Variants in SPAG16 observed in about 807,000 individuals in gnomAD.
SPAG16 encodes the protein sperm-associated antigen 16 protein.
Under a neutral mutation model 80.4 loss-of-function variants are expected in SPAG16, and 86 were observed. That is an observed-to-expected ratio of 1.07 (90% CI 0.90 to 1.28). The LOEUF (loss-of-function observed/expected upper bound fraction) is 1.28, where lower values mean the gene tolerates loss of function less well. Among genes scored for constraint, SPAG16 ranks in the 50% most tolerant of loss-of-function variants. The pLI is 0.00. For missense variants in SPAG16, 870 were observed against 765.3 expected (o/e 1.14, Z -1.61); for synonymous variants, 294 against 265.9 (o/e 1.11, Z -1.03).
At chr2:213,726,079 G>T (rs2066758136) in intron 10 of SPAG16, among the ~76,000 whole-genome samples, 1 of 152,212 alleles carries the variant, frequency 6.6e-6, no homozygotes, top group East Asian at 1.9e-4. Flanking sequence ...ATACCCAACT[G>T]CCAATATAAT....
intron 9 of SPAG16, among the ~76,000 whole-genome samples, chr2:213,403,295 T>C (rs1333020116): frequency 6.6e-6 from 1 of 152,178 alleles, no homozygotes; most frequent in Admixed American, 6.5e-5. Flanking sequence ...TCTTGTAAAT[T>C]TGTTTGAGTT....
At chr2:213,500,416 G>T (rs1257918950) in intron 10 of SPAG16, among the ~76,000 whole-genome samples, 1 of 152,102 alleles carries the variant, frequency 6.6e-6, no homozygotes, top group Non-Finnish European at 1.5e-5. Context: ...AATATAATTG[G>T]GTCATATCGC....
chr2:213,793,102 A>T (rs1462418919), intron 10 of SPAG16, among the ~76,000 whole-genome samples: 1 of 151,760 alleles, frequency 6.6e-6, no homozygotes, highest in Non-Finnish European at 1.5e-5. Context: ...AATTTTTGTT[A>T]TTTTTAGTAC....
At chr2:214,087,327 G>A (rs2051837292) in intron 13 of SPAG16, among the ~76,000 whole-genome samples, 2 of 152,022 alleles carry the variant, frequency 1.3e-5, no homozygotes, top group Admixed American at 1.3e-4. Flanking sequence ...AAAAGTGATG[G>A]ATACCATTCA....
chr2:213,870,589 G>T (rs958373177), intron 11 of SPAG16, among the ~76,000 whole-genome samples: 2 of 152,130 alleles, frequency 1.3e-5, no homozygotes, highest in Non-Finnish European at 2.9e-5. Flanking sequence ...CACCTCAGTT[G>T]CTCATTTGAA....
chr2:213,920,911 C>T (rs1268218632), intron 11 of SPAG16, among the ~76,000 whole-genome samples: 1 of 152,260 alleles, frequency 6.6e-6, no homozygotes, highest in Non-Finnish European at 1.5e-5. Context: ...TTTGTTCCAA[C>T]TCAAGTATCC....
intron 10 of SPAG16, among the ~76,000 whole-genome samples, chr2:213,803,835 T>C (rs1282322513): frequency 1.3e-5 from 2 of 152,196 alleles, no homozygotes; most frequent in East Asian, 1.9e-4. Context: ...ACTCCTGGGC[T>C]CCAGGGATCC....
chr2:214,125,141 A>G (rs1389713869), intron 14 of SPAG16, among the ~76,000 whole-genome samples: 2 of 151,586 alleles, frequency 1.3e-5, no homozygotes, highest in African/African-American at 4.8e-5. Flanking sequence ...ACCTGGTTGC[A>G]TTTAGATCCC....
At chr2:213,527,392 G>C (rs572121919) in intron 10 of SPAG16, among the ~76,000 whole-genome samples, 1 of 152,248 alleles carries the variant, frequency 6.6e-6, no homozygotes, top group Non-Finnish European at 1.5e-5. Context: ...CTCTGCTTCT[G>C]TTGCTCTTTT....
At chr2:214,340,556 A>T (rs1697603717) in intron 15 of SPAG16, among the ~76,000 whole-genome samples, 1 of 152,232 alleles carries the variant, frequency 6.6e-6, no homozygotes, top group Non-Finnish European at 1.5e-5. Context: ...GCCCCAGAGC[A>T]TGATGGGCCG....
At chr2:214,215,458 A>G (rs1271367783) in intron 15 of SPAG16, among the ~76,000 whole-genome samples, 2 of 152,126 alleles carry the variant, frequency 1.3e-5, no homozygotes, top group African/African-American at 4.8e-5. Flanking sequence ...TCCTCCCTTC[A>G]GAAGCTTGTA....
Position 213,418,737 on chromosome 2 carries a change from G to A in SPAG16, c.942+43618G>A, listed in dbSNP as rs1267380138. On this transcript the variant is annotated intron_variant, in intron 9 of 15. Coordinates refer to ENST00000331683, the MANE Select transcript of SPAG16 (RefSeq NM_024532.5). ...AAAGGCTTCTGGTTATTGATTTTAT[G>A]TTTACTTTTATGAATGGCTCAATGT... Among the ~76,000 whole-genome samples, 3 of 152,022 alleles carry A rather than the reference G, an allele frequency of 2.0e-5. 1 individual carries two copies. In the East Asian group the frequency reaches 5.8e-4, roughly 29 times the overall value.
At chr2:213,433,334 T>C (rs1307607173) in intron 9 of SPAG16, among the ~76,000 whole-genome samples, 2 of 152,214 alleles carry the variant, frequency 1.3e-5, no homozygotes, top group Non-Finnish European at 2.9e-5. Flanking sequence ...TTGATGATCT[T>C]ATACTTGATT....
intron 13 of SPAG16, among the ~76,000 whole-genome samples, chr2:214,040,520 A>G: frequency 6.6e-6 from 1 of 152,090 alleles, no homozygotes; most frequent in African/African-American, 2.4e-5. Context: ...GCTCCCACTT[A>G]TAAGTGAGAA....
At chr2:213,536,636 A>T (rs1260129670) in intron 10 of SPAG16, among the ~76,000 whole-genome samples, 2 of 152,128 alleles carry the variant, frequency 1.3e-5, no homozygotes, top group African/African-American at 4.8e-5. Context: ...TCTTTTGAGA[A>T]GTGTCTGTTT....
intron 12 of SPAG16, among the ~76,000 whole-genome samples, chr2:213,934,450 C>G (rs886250353): frequency 2.0e-5 from 3 of 152,132 alleles, no homozygotes; most frequent in Admixed American, 6.5e-5. Context: ...CATGCAGTAA[C>G]TGAAGAAGAG....
At chr2:213,865,127 G>C (rs2075635358) in intron 11 of SPAG16, among the ~76,000 whole-genome samples, 2 of 152,044 alleles carry the variant, frequency 1.3e-5, no homozygotes, top group South Asian at 4.1e-4. Context: ...AATTAACATG[G>C]TAGTATAATT....
intron 12 of SPAG16, 58 bp from the exon 13 acceptor site, chr2:214,013,893 G>A (rs1041750221): frequency 2.7e-6 from 4 of 1,507,166 alleles, no homozygotes; most frequent in African/African-American, 1.4e-5. Context: ...ATTTTTATTA[G>A]CATTGTATAG....
At position 213,524,089 on chromosome 2, in the gene SPAG16, C is replaced by T. The variant is rs145793945; in HGVS notation, c.1070+33999C>T. 1.4e-3 allele frequency among the ~76,000 whole-genome samples: 209 copies of T among 152,222 alleles called. 2 individuals carry two copies. The highest frequency in any genetic ancestry group is 4.6e-3 in the African/African-American group (189 of 41,538). ...GAAAAAATTGTTTTGTGGGCTGGGA[C>T]CAGGGCCCCCTTGCTGTGTGCAGCC... On this transcript the variant is annotated intron_variant, in intron 10 of 15. Coordinates refer to ENST00000331683, the MANE Select transcript of SPAG16 (RefSeq NM_024532.5).
Sources: gnomAD v4.1 joint callset for allele counts (sites outside exome capture counted in the v4.1 genomes callset) on GRCh38, gnomAD v4.1.1 for gene constraint, MANE v1.5 for transcripts, NCBI Gene and HGNC (gene_info 2026-07-23, HGNC 2026-07-21) for gene names.